Variants in UNC5C observed in about 807,000 individuals in gnomAD.
UNC5C encodes netrin receptor UNC5C.
Under a neutral mutation model 99.8 loss-of-function variants are expected in UNC5C, and 47 were observed. That is an observed-to-expected ratio of 0.47 (90% CI 0.37 to 0.60). UNC5C has a LOEUF of 0.60. Ranked by LOEUF, UNC5C falls within the 20% of genes least tolerant of loss-of-function variation. UNC5C has a pLI of 0.00. For synonymous variants in UNC5C, 487 were observed against 452.2 expected, an observed-to-expected ratio of 1.08 and a Z score of -0.98; for missense variants, 1,062 against 1,165.9, an observed-to-expected ratio of 0.91 and a Z score of 1.30.
intron 3 of UNC5C, among the ~76,000 whole-genome samples, chr4:95,291,067 C>T (rs1438879127): frequency 6.6e-6 from 1 of 152,084 alleles, no homozygotes; most frequent in East Asian, 1.9e-4. Flanking sequence ...ATAGGACAAA[C>T]ACATTTGTAT....
intron 1 of UNC5C, among the ~76,000 whole-genome samples, chr4:95,546,669 A>G (rs921664420): frequency 1.2e-4 from 18 of 152,218 alleles, no homozygotes; most frequent in African/African-American, 4.3e-4. Flanking sequence ...TCAGTCCCCA[A>G]TCTTTAACTT....
intron 1 of UNC5C, among the ~76,000 whole-genome samples, chr4:95,497,744 G>A (rs957074312): frequency 4.0e-5 from 6 of 151,846 alleles, no homozygotes; most frequent in Non-Finnish European, 5.9e-5. Flanking sequence ...TAATTATAAT[G>A]GTATTAGAGA....
chr4:95,216,554 T>A (rs529076118), intron 9 of UNC5C, among the ~76,000 whole-genome samples: 38 of 151,650 alleles, frequency 2.5e-4, no homozygotes, highest in Middle Eastern at 6.8e-3. Context: ...CATTTTTTTT[T>A]AAAATCCCCA....
chr4:95,480,644 A>C (rs1721118135), intron 1 of UNC5C, among the ~76,000 whole-genome samples: 1 of 152,204 alleles, frequency 6.6e-6, no homozygotes, highest in East Asian at 1.9e-4. Context: ...GCAGCACATC[A>C]AAAAGCTTAT....
At chr4:95,454,159 C>T (rs760308966) in intron 1 of UNC5C, among the ~76,000 whole-genome samples, 6 of 151,988 alleles carry the variant, frequency 3.9e-5, no homozygotes, top group Non-Finnish European at 7.4e-5. Context: ...ATGTGTTACG[C>T]GAATTTCACC....
At chr4:95,272,093 T>A (rs1320900925) in intron 4 of UNC5C, among the ~76,000 whole-genome samples, 1 of 152,220 alleles carries the variant, frequency 6.6e-6, no homozygotes, top group East Asian at 1.9e-4. Context: ...TCATCCGCAA[T>A]CCCCAACAAC....
chr4:95,241,040 C>G (rs1441022107), intron 7 of UNC5C, among the ~76,000 whole-genome samples: 1 of 151,202 alleles, frequency 6.6e-6, no homozygotes, highest in African/African-American at 2.4e-5. Context: ...CCAACTATTT[C>G]TACTTTGCAA....
intron 1 of UNC5C, among the ~76,000 whole-genome samples, chr4:95,545,752 TCA>T (rs760524760): frequency 6.3e-5 from 9 of 142,636 alleles, no homozygotes; most frequent in East Asian, 4.1e-4. Context: ...CACACTGATC[TCA>T]CACACACGCG....
At chr4:95,268,334 AAAC>A (rs1356620736) in intron 4 of UNC5C, among the ~76,000 whole-genome samples, 5 of 152,220 alleles carry the variant, frequency 3.3e-5, no homozygotes, top group Non-Finnish European at 7.3e-5. Flanking sequence ...CAGGATAAAT[AAAC>A]AACATCCCTG....
At chr4:95,546,196 T>G (rs1723059542) in intron 1 of UNC5C, among the ~76,000 whole-genome samples, 1 of 152,228 alleles carries the variant, frequency 6.6e-6, no homozygotes, top group South Asian at 2.1e-4. Context: ...ATAGTTCATT[T>G]GGATCTTTAA....
At chr4:95,389,551 G>C (rs1386380400) in intron 1 of UNC5C, among the ~76,000 whole-genome samples, 1 of 151,886 alleles carries the variant, frequency 6.6e-6, no homozygotes, top group Non-Finnish European at 1.5e-5. Flanking sequence ...CTTATTAACT[G>C]AATTTTTAAT....
chr4:95,191,705 TACCCTCCTTCCCTGCTC>T (rs1223847750), intron 12 of UNC5C, among the ~76,000 whole-genome samples: 1 of 132,140 alleles, frequency 7.6e-6, no homozygotes, highest in Non-Finnish European at 1.6e-5. Flanking sequence ...CTCCCCTGCT[TACCCTCCTTCCCTGCTC>T]ACCTCCTCCC....
intron 1 of UNC5C, among the ~76,000 whole-genome samples, chr4:95,346,643 T>C (rs998462369): frequency 1.3e-5 from 2 of 151,880 alleles, no homozygotes; most frequent in Non-Finnish European, 2.9e-5. Flanking sequence ...CAAATCAGTG[T>C]GATACATCCT....
At chr4:95,437,039 C>T (rs1746816437) in intron 1 of UNC5C, among the ~76,000 whole-genome samples, 1 of 145,678 alleles carries the variant, frequency 6.9e-6, no homozygotes, top group African/African-American at 2.5e-5. Context: ...AGCAGGTCTG[C>T]AACTTTCTCA....
At chr4:95,436,015 CTGT>C in intron 1 of UNC5C, among the ~76,000 whole-genome samples, 1 of 151,872 alleles carries the variant, frequency 6.6e-6, no homozygotes, top group South Asian at 2.1e-4. Flanking sequence ...GGACAATTTC[CTGT>C]TGTTATTTAT....
intron 1 of UNC5C, among the ~76,000 whole-genome samples, chr4:95,544,186 C>G (rs976525614): frequency 6.6e-6 from 1 of 152,148 alleles, no homozygotes; most frequent in Non-Finnish European, 1.5e-5. Context: ...CGTTAAATGT[C>G]TTGCTCATAG....
At chr4:95,333,205 G>A (rs975629351) in intron 2 of UNC5C, among the ~76,000 whole-genome samples, 5 of 152,098 alleles carry the variant, frequency 3.3e-5, no homozygotes, top group Non-Finnish European at 7.4e-5. Context: ...ATTTGACCCA[G>A]CCATCCCATT....
At chr4:95,400,765 C>T (rs911779702) in intron 1 of UNC5C, among the ~76,000 whole-genome samples, 2 of 152,210 alleles carry the variant, frequency 1.3e-5, no homozygotes, top group African/African-American at 4.8e-5. Flanking sequence ...CAACTCCACC[C>T]TGGGTTGAGC....
rs1021809384 is a variant in UNC5C, at chr4:95,426,769, C to G, written c.125-91138G>C. Among the ~76,000 whole-genome samples the G allele has an allele frequency of 5.3e-5, 8 of 152,322 alleles. No homozygotes were observed. In the East Asian group the frequency reaches 7.7e-4, roughly 15 times the overall value. On this transcript the variant is annotated intron_variant, in intron 1 of 15. Coordinates refer to ENST00000453304, the MANE Select transcript of UNC5C (RefSeq NM_003728.4). ...CCTAATCTAAAATAAGACCCTAACTCTCTCCAATTGTTGGAATGCTGAGAG... is the reference window on the plus strand; with the variant it reads ...CCTAATCTAAAATAAGACCCTAACTGTCTCCAATTGTTGGAATGCTGAGAG...
Sources: allele counts gnomAD v4.1 joint callset (sites outside exome capture counted in the v4.1 genomes callset), GRCh38; gene constraint gnomAD v4.1.1; transcripts MANE v1.5; gene names NCBI Gene and HGNC (gene_info 2026-07-23, HGNC 2026-07-21).